Variants in DNASE1L3 observed in about 807,000 individuals in gnomAD.
DNASE1L3 encodes deoxyribonuclease gamma.
A neutral mutation model predicts 30.9 loss-of-function variants in DNASE1L3; 27 were observed. The ratio of observed to expected loss-of-function variants is 0.87; its 90% CI spans 0.64 to 1.20. DNASE1L3 has a LOEUF of 1.20. Ranked by LOEUF, DNASE1L3 falls within the 50% of genes most tolerant of loss-of-function variation. The pLI is 0.00. For synonymous variants in DNASE1L3, 135 were observed against 138.0 expected (o/e 0.98, Z 0.15); for missense variants, 364 against 378.2 (o/e 0.96, Z 0.31).
intron 6 of DNASE1L3, among the ~76,000 whole-genome samples, chr3:58,194,314 CTTTTTTTTT>C (rs11358965): frequency 1.1e-5 from 1 of 89,052 alleles, no homozygotes; most frequent in African/African-American, 4.7e-5. Context: ...GCACAACTAA[CTTTTTTTTT>C]TTTTTTTTTT....
At chr3:58,208,799 A>G (rs1173643257) in intron 1 of DNASE1L3, among the ~76,000 whole-genome samples, 3 of 152,210 alleles carry the variant, frequency 2.0e-5, no homozygotes, top group African/African-American at 4.8e-5. Flanking sequence ...TGGGGTAACT[A>G]TGCTTATTAG....
At chr3:58,194,680 C>T (rs1424114478) in intron 6 of DNASE1L3, among the ~76,000 whole-genome samples, 3 of 140,508 alleles carry the variant, frequency 2.1e-5, no homozygotes, top group Admixed American at 7.5e-5. Context: ...GGCTAGAGTG[C>T]AGTGGCGCAA....
At chr3:58,204,072 G>T (rs2097402368) in intron 4 of DNASE1L3, among the ~76,000 whole-genome samples, 1 of 151,894 alleles carries the variant, frequency 6.6e-6, no homozygotes, top group South Asian at 2.1e-4. Context: ...CTGTGGAGGA[G>T]TCTGCGATGC....
rs919216955 is a variant in DNASE1L3, at chr3:58,201,047, C to T, written c.496G>A (p.Asp166Asn). 3.1e-6 allele frequency: 5 copies of T among 1,613,096 alleles called. No individual in the cohort carries two copies. The African/African-American group carries it at 4.0e-5, about 13-fold the overall frequency. ...TTPETSVKEIDELVEVYTDVK... is the reference protein window; with the variant it reads ...TTPETSVKEINELVEVYTDVK... The stretch of plus-strand genomic sequence containing the variant: ...TCCGTGTAGACCTCAACCAACTCAT[C>T]GATCTCCTTAACGGATGTCTCTGGG... Residue 166 changes from aspartate to asparagine, a missense_variant, in exon 5 of 8, where the codon GAT becomes AAT. Physicochemically the swap from Asp to Asn is conservative, Grantham distance 23. Transcript: ENST00000394549.
chr3:58,196,616 C>T (rs1376886155), intron 6 of DNASE1L3, among the ~76,000 whole-genome samples: 1 of 149,616 alleles, frequency 6.7e-6, no homozygotes, highest in African/African-American at 2.5e-5. Context: ...TGGTGGCTCT[C>T]ATGCAGATGG....
In DNASE1L3 at chr3:58,192,935, T is replaced by C; in HGVS notation, c.802-132A>G. The C allele has an allele frequency of 6.8e-7, 1 of 1,469,534 alleles. No individual in the cohort carries two copies. Among genetic ancestry groups the C allele is most frequent in the Non-Finnish European group, 8.9e-7 (1 of 1,118,042 alleles). 91.0% of individuals were successfully genotyped at this position (1,469,534 alleles called of 1,614,324 possible). ...CGAAGTCACCCCACAGAACACTTAC[T>C]GGTAAGCGTCATTCCAAGACCAGCT... is the stretch of plus-strand genomic sequence containing the variant. On this transcript the variant is annotated intron_variant, in intron 7 of 7. Coordinates refer to ENST00000394549, the MANE Select transcript of DNASE1L3 (RefSeq NM_004944.4). The surrounding 1 kb of genome is among the most constrained non-coding windows in gnomAD (Gnocchi z 4.8).
At chr3:58,193,650 C>A (rs1374554466) in intron 6 of DNASE1L3, among the ~76,000 whole-genome samples, 1 of 152,230 alleles carries the variant, frequency 6.6e-6, no homozygotes, top group Non-Finnish European at 1.5e-5. Context: ...TCTGTGGACA[C>A]CAGGACACTG....
intron 7 of DNASE1L3, 164 bp downstream of exon 7, chr3:58,193,179 T>C: frequency 7.0e-7 from 1 of 1,435,966 alleles, no homozygotes; most frequent in Non-Finnish European, 9.2e-7. Context: ...TGGACTCAAG[T>C]GATCCTCCCA....
At chr3:58,206,762 T>G (rs1457023948) in intron 2 of DNASE1L3, among the ~76,000 whole-genome samples, 1 of 151,988 alleles carries the variant, frequency 6.6e-6, no homozygotes, top group Non-Finnish European at 1.5e-5. Context: ...CTGGGGACAC[T>G]CCAAGGAAGG....
chr3:58,195,966 C>G (rs1250428372), intron 6 of DNASE1L3, among the ~76,000 whole-genome samples: 1 of 152,122 alleles, frequency 6.6e-6, no homozygotes. Flanking sequence ...TGTTCTACCC[C>G]TGACCTGATC....
chr3:58,197,024 A>T lies in DNASE1L3; in HGVS notation c.704+797T>A, dbSNP rs2097397859. Among the ~76,000 whole-genome samples the T allele has an allele frequency of 6.6e-6, 1 of 152,192 alleles. No individual in the cohort carries two copies. The highest frequency in any genetic ancestry group is 2.4e-5 in the African/African-American group (1 of 41,446). On this transcript the variant is annotated intron_variant, in intron 6 of 7. Transcript: ENST00000394549. The surrounding 1 kb of genome is among the most constrained non-coding windows in gnomAD (Gnocchi z 5.3). Reference sequence around the variant, plus strand: ...TTATAACAGCAAACCCTTGGTAATAACCCAATGCCTAATGATGGGGATTGG... The same window carrying T: ...TTATAACAGCAAACCCTTGGTAATATCCCAATGCCTAATGATGGGGATTGG...
rs1348822165 is a variant in DNASE1L3, at chr3:58,192,452, A to G, written c.*235T>C. ...GGCTCTGGCTCAGGGCATGAAGATC[A>G]TCATTTTGGTCTACAAATGCCCCTG... On this transcript the variant is annotated 3_prime_UTR_variant, in exon 8 of 8. Transcript: ENST00000394549. This position sits in a 1 kb window ranked among gnomAD's most constrained non-coding sequence, Gnocchi z 4.8. 2.8e-6 allele frequency: 1 copy of G among 358,448 alleles called. No homozygotes were observed. The highest frequency in any genetic ancestry group is 5.0e-6 in the Non-Finnish European group (1 of 198,852). 22.2% of individuals were successfully genotyped at this position (358,448 alleles called of 1,614,324 possible).
In DNASE1L3 at chr3:58,198,371, C is replaced by T. The variant is rs1358220213; in HGVS notation, c.547-393G>A. 3.9e-5 allele frequency among the ~76,000 whole-genome samples: 6 copies of T among 152,278 alleles called. No homozygotes were observed. The East Asian group carries it at 1.2e-3, about 29-fold the overall frequency. The stretch of plus-strand genomic sequence containing the variant: ...AAGGAGAGAGGCCCCCAAAAGACAC[C>T]AGCCCTGCTGGCACACCTTGTTCTG... On this transcript the variant is annotated intron_variant, in intron 5 of 7. Coordinates refer to ENST00000394549, the MANE Select transcript of DNASE1L3 (RefSeq NM_004944.4).
chr3:58,209,196 G>C (rs963683853), intron 1 of DNASE1L3, among the ~76,000 whole-genome samples: 1 of 152,218 alleles, frequency 6.6e-6, no homozygotes, highest in Admixed American at 6.5e-5. Context: ...AGCTCTTGCA[G>C]TGTTTTGGGG....
chr3:58,192,902 G>A lies in DNASE1L3; in HGVS notation c.802-99C>T. On this transcript the variant is annotated intron_variant, in intron 7 of 7. Transcript: ENST00000394549. This position sits in a 1 kb window ranked among gnomAD's most constrained non-coding sequence, Gnocchi z 4.8. The stretch of plus-strand genomic sequence containing the variant: ...AAATTTAGGACCAGGGAGGGGAGAG[G>A]AAATGCCCGAAGTCACCCCACAGAA... The A allele has an allele frequency of 3.9e-6, 6 of 1,533,164 alleles. No individual in the cohort carries two copies. In the South Asian group the frequency reaches 6.5e-5, roughly 17 times the overall value. The allele number at this position is 1,533,164 out of a possible 1,614,324, so 95.0% of individuals were successfully genotyped here.
chr3:58,196,410 A>G (rs900287824), intron 6 of DNASE1L3, among the ~76,000 whole-genome samples: 1 of 151,080 alleles, frequency 6.6e-6, no homozygotes, highest in African/African-American at 2.4e-5. Flanking sequence ...AAAATTAGCC[A>G]GGCGTGGTGG....
In DNASE1L3 at chr3:58,197,759, C is replaced by T. The variant is rs151088805; in HGVS notation, c.704+62G>A. The T allele has an allele frequency of 3.1e-4, 504 of 1,609,086 alleles. No homozygotes were observed. In the African/African-American group the frequency reaches 3.4e-3, roughly 11 times the overall value. On this transcript the variant is annotated intron_variant, in intron 6 of 7. Coordinates refer to ENST00000394549, the MANE Select transcript of DNASE1L3 (RefSeq NM_004944.4). This position sits in a 1 kb window ranked among gnomAD's most constrained non-coding sequence, Gnocchi z 5.3. Reference sequence around the variant, plus strand: ...TGAGCCACAGTGCCCAGCCACCTTGCGTCTTTCCTAGTGCACACCAAGCAC... The same window carrying T: ...TGAGCCACAGTGCCCAGCCACCTTGTGTCTTTCCTAGTGCACACCAAGCAC...
chr3:58,199,686 C>A (rs980679551), intron 5 of DNASE1L3, among the ~76,000 whole-genome samples: 228 of 151,540 alleles, frequency 1.5e-3, no homozygotes, highest in African/African-American at 5.3e-3. Flanking sequence ...AAAAAAGAAT[C>A]ACATCCCAGT....
Position 58,201,020 on chromosome 3 carries a change from C to A in DNASE1L3, c.523G>T (p.Val175Leu), listed in dbSNP as rs140654958. Residue 175 changes from valine to leucine, a missense_variant, in exon 5 of 8, where the codon GTG becomes TTG. By Grantham distance (32) the Val-to-Leu change is conservative (BLOSUM62 1). Transcript: ENST00000394549. Reference sequence around the variant, plus strand: ...ACCTCCGCCTTCCAGCGGTGTTTCACGTCCGTGTAGACCTCAACCAACTCA... The same window carrying A: ...ACCTCCGCCTTCCAGCGGTGTTTCAAGTCCGTGTAGACCTCAACCAACTCA... ...IDELVEVYTDVKHRWKAENFI... is the reference protein window; with the variant it reads ...IDELVEVYTDLKHRWKAENFI... 1.9e-6 allele frequency: 3 copies of A among 1,612,470 alleles called. No individual in the cohort carries two copies. The highest frequency in any genetic ancestry group is 2.7e-5 in the African/African-American group (2 of 74,896).
Sources: gnomAD v4.1 joint callset for allele counts (sites outside exome capture counted in the v4.1 genomes callset) on GRCh38, gnomAD v4.1.1 for gene constraint, Gnocchi (gnomAD v3.1) non-coding constraint, MANE v1.5 for transcripts, NCBI Gene and HGNC (gene_info 2026-07-23, HGNC 2026-07-21) for gene names.